The following TBC1D9 variants were observed in gnomAD, a reference collection of about 807,000 sequenced individuals.
TBC1D9 encodes the protein TBC1 domain family member 9.
Under a neutral mutation model 132.0 loss-of-function variants are expected in TBC1D9, and 63 were observed. The ratio of observed to expected loss-of-function variants is 0.48; its 90% CI spans 0.39 to 0.59. TBC1D9 has a LOEUF of 0.59. TBC1D9 is among the 20% of genes least tolerant of loss of function. TBC1D9 has a pLI of 0.00. For synonymous variants in TBC1D9, 610 were observed against 609.9 expected, an observed-to-expected ratio of 1.00 and a Z score of 0.00; for missense variants, 1,261 against 1,592.7, an observed-to-expected ratio of 0.79 and a Z score of 3.54.
chr4:140,636,924 G>C (rs1736889930), intron 15 of TBC1D9, among the ~76,000 whole-genome samples: 1 of 152,182 alleles, frequency 6.6e-6, no homozygotes, highest in Non-Finnish European at 1.5e-5. Context: ...TGAGGAACCT[G>C]TGTTTTCAAC....
chr4:140,692,956 G>A (rs1350028691), intron 2 of TBC1D9, among the ~76,000 whole-genome samples: 2 of 151,878 alleles, frequency 1.3e-5, no homozygotes, highest in Non-Finnish European at 1.5e-5. Flanking sequence ...GGAGATCAAG[G>A]CTGCAGTGAG....
chr4:140,655,039 A>G (rs966731994), intron 13 of TBC1D9, among the ~76,000 whole-genome samples: 19 of 152,154 alleles, frequency 1.2e-4, no homozygotes, highest in African/African-American at 4.6e-4. Context: ...GCCTTCATAT[A>G]ATATTTAATA....
chr4:140,729,457 A>T (rs1738552601), intron 1 of TBC1D9, among the ~76,000 whole-genome samples: 1 of 152,194 alleles, frequency 6.6e-6, no homozygotes, highest in Non-Finnish European at 1.5e-5. Flanking sequence ...GGGAGATGAT[A>T]ATTTCAGTTC....
chr4:140,744,402 G>A (rs1464075582), intron 1 of TBC1D9, among the ~76,000 whole-genome samples: 1 of 152,154 alleles, frequency 6.6e-6, no homozygotes, highest in Non-Finnish European at 1.5e-5. Flanking sequence ...TTTCAGACAT[G>A]CTTCATTATA....
intron 3 of TBC1D9, among the ~76,000 whole-genome samples, chr4:140,684,993 T>C (rs900818053): frequency 2.0e-5 from 3 of 152,124 alleles, no homozygotes; most frequent in African/African-American, 7.2e-5. Context: ...TAATAATCGA[T>C]AAATAATAAA....
chr4:140,629,214 C>A (rs1214833581), intron 16 of TBC1D9, among the ~76,000 whole-genome samples: 1 of 152,202 alleles, frequency 6.6e-6, no homozygotes, highest in Non-Finnish European at 1.5e-5. Context: ...GCATTTCATT[C>A]CAAGCTGTAT....
intron 1 of TBC1D9, among the ~76,000 whole-genome samples, chr4:140,739,782 C>T (rs1053965356): frequency 1.3e-5 from 2 of 152,196 alleles, no homozygotes; most frequent in East Asian, 1.9e-4. Context: ...GTGGGAGGAT[C>T]GCTTGGGGCC....
At chr4:140,669,504 C>A in intron 8 of TBC1D9, 130 bp downstream of exon 8, 1 of 1,074,808 alleles carries the variant, frequency 9.3e-7, no homozygotes, top group Non-Finnish European at 1.3e-6. Context: ...CATATTTAGA[C>A]AAAAATCTGC....
At chr4:140,643,538 G>T in intron 13 of TBC1D9, 2 of 875,222 alleles carry the variant, frequency 2.3e-6, no homozygotes, top group Non-Finnish European at 1.8e-6. Flanking sequence ...CGGCGGGCAC[G>T]TCACAGTCTG....
chr4:140,691,841 C>G (rs904834136), intron 2 of TBC1D9, among the ~76,000 whole-genome samples: 3 of 152,282 alleles, frequency 2.0e-5, no homozygotes, highest in African/African-American at 7.2e-5. Flanking sequence ...CGAAATCATC[C>G]TAGTCTAATT....
chr4:140,622,521 C>A lies in TBC1D9; in HGVS notation c.3475G>T (p.Asp1159Tyr). The A allele has an allele frequency of 6.2e-7, 1 of 1,614,060 alleles. No homozygotes were observed. Among genetic ancestry groups the A allele is most frequent in the South Asian group, 1.1e-5 (1 of 91,088 alleles). The change falls in exon 21 of 21, where the codon GAC becomes TAC. Residue 1159 changes from aspartate to tyrosine, a missense_variant. Asp to Tyr is a radical substitution (Grantham distance 160, BLOSUM62 -3). Coordinates refer to ENST00000442267, the MANE Select transcript of TBC1D9 (RefSeq NM_015130.3). ...MLISDDDTKD[D>Y]SSMSSYSVLS... ...ACCGAGTATGAGGACATGGAGCTGTCGTCCTTGGTGTCGTCGTCAGAGATC... is the reference window on the plus strand; with the variant it reads ...ACCGAGTATGAGGACATGGAGCTGTAGTCCTTGGTGTCGTCGTCAGAGATC...
chr4:140,624,144 T>G lies in TBC1D9; in HGVS notation c.3050A>C (p.Asn1017Thr). The G allele has an allele frequency of 6.2e-7, 1 of 1,610,352 alleles. No homozygotes were observed. The highest frequency in any genetic ancestry group is 8.5e-7 in the Non-Finnish European group (1 of 1,177,874). The change falls in exon 20 of 21, where the codon AAT (asparagine) becomes ACT (threonine). Residue 1017 changes from asparagine to threonine, a missense_variant. By Grantham distance (65) the Asn-to-Thr change is moderately conservative (BLOSUM62 0). Coordinates refer to ENST00000442267, the MANE Select transcript of TBC1D9 (RefSeq NM_015130.3). ...WTPENKSKSK[N>T]AKDLPKLNQG... ...ATTTAATTTGGGTAAATCCTTTGCATTCTTTGACTTAGATTTATTTTCTGG... is the reference window on the plus strand; with the variant it reads ...ATTTAATTTGGGTAAATCCTTTGCAGTCTTTGACTTAGATTTATTTTCTGG...
At chr4:140,733,936 GCTCTTCCTCC>G (rs990949353) in intron 1 of TBC1D9, among the ~76,000 whole-genome samples, 20 of 150,842 alleles carry the variant, frequency 1.3e-4, no homozygotes, top group African/African-American at 4.9e-4. Context: ...TCTCTCCTCC[GCTCTTCCTCC>G]CTCTTCCTTT....
intron 16 of TBC1D9, among the ~76,000 whole-genome samples, 188 bp from the exon 17 acceptor site, chr4:140,628,553 G>A (rs557022467): frequency 3.3e-5 from 5 of 152,290 alleles, no homozygotes; most frequent in Admixed American, 3.3e-4. Flanking sequence ...TCCTCTGCAT[G>A]TACTACATAC....
intron 15 of TBC1D9, 134 bp from the exon 16 acceptor site, chr4:140,634,322 G>T: frequency 2.4e-6 from 3 of 1,270,130 alleles, no homozygotes; most frequent in Non-Finnish European, 3.2e-6. Context: ...TGGCCTCAGG[G>T]CCCCCTTGGT....
chr4:140,708,022 A>C (rs923307), intron 1 of TBC1D9, among the ~76,000 whole-genome samples: 1 of 151,998 alleles, frequency 6.6e-6, no homozygotes, highest in Non-Finnish European at 1.5e-5. Flanking sequence ...TGGGCAATTT[A>C]AGGACAAGCA....
At chr4:140,633,853 C>T in intron 16 of TBC1D9, 95 bp downstream of exon 16, 2 of 1,468,632 alleles carry the variant, frequency 1.4e-6, no homozygotes, top group Non-Finnish European at 1.9e-6. Context: ...TGCAAACCTC[C>T]CCTTGTGCTT....
Position 140,657,242 on chromosome 4 carries a change from A to G in TBC1D9, c.2208-16T>C. 3 of 1,611,138 alleles carry G rather than the reference A, an allele frequency of 1.9e-6. No homozygotes were observed. Among genetic ancestry groups the G allele is most frequent in the South Asian group, 1.1e-5 (1 of 90,352 alleles). The stretch of plus-strand genomic sequence containing the variant: ...GTCTAAATACCTGGAAGAAGAATGC[A>G]TCAGAAGTCACAGGAGAAGAAACTG... On this transcript the variant is annotated splice_polypyrimidine_tract_variant and intron_variant, in intron 12 of 20. Transcript: ENST00000442267.
intron 1 of TBC1D9, among the ~76,000 whole-genome samples, chr4:140,751,421 T>C (rs1192855906): frequency 6.6e-6 from 1 of 152,064 alleles, no homozygotes; most frequent in Non-Finnish European, 1.5e-5. Context: ...CTTCACACAA[T>C]ATGCAAAAAT....
Sources: allele counts gnomAD v4.1 joint callset (sites outside exome capture counted in the v4.1 genomes callset), GRCh38; gene constraint gnomAD v4.1.1; transcripts MANE v1.5; gene names NCBI Gene and HGNC (gene_info 2026-07-23, HGNC 2026-07-21).